The following SEMA3E variants were observed in gnomAD, a reference collection of about 807,000 sequenced individuals.
SEMA3E encodes semaphorin-3E.
SEMA3E carries 49 observed loss-of-function variants against 93.6 expected under a neutral mutation model. The ratio of observed to expected loss-of-function variants is 0.52; its 90% CI spans 0.42 to 0.66. The LOEUF (loss-of-function observed/expected upper bound fraction) is 0.66, where lower values mean the gene tolerates loss of function less well. Ranked by LOEUF, SEMA3E falls within the 30% of genes least tolerant of loss-of-function variation. SEMA3E has a pLI of 0.00. For synonymous variants in SEMA3E, 363 were observed against 330.7 expected (o/e 1.10, Z -1.06); for missense variants, 906 against 964.8 (o/e 0.94, Z 0.81).
intron 1 of SEMA3E, among the ~76,000 whole-genome samples, chr7:83,581,663 C>G (rs1562842139): frequency 6.6e-6 from 1 of 151,954 alleles, no homozygotes; most frequent in Non-Finnish European, 1.5e-5. Flanking sequence ...AAAACGACAT[C>G]ACATAACTTC....
At chr7:83,459,575 T>C (rs971198961) in intron 4 of SEMA3E, among the ~76,000 whole-genome samples, 8 of 152,202 alleles carry the variant, frequency 5.3e-5, no homozygotes, top group Non-Finnish European at 8.8e-5. Flanking sequence ...CTCTGCATTG[T>C]TTCTTTAAAA....
rs750807015 is a variant in SEMA3E, at chr7:83,407,271, A to T, written c.671-32T>A. On this transcript the variant is annotated intron_variant, in intron 6 of 16. Transcript: ENST00000643230. ...GAGCAAAAAATAGGAGAAAAAGTGA[A>T]ATAGATATTACAACTAAATGCTAAC... The T allele has an allele frequency of 1.3e-5, 21 of 1,571,346 alleles. No homozygotes were observed. The South Asian group carries it at 2.2e-4, about 17-fold the overall frequency.
chr7:83,644,394 C>T (rs1380632459), intron 1 of SEMA3E, among the ~76,000 whole-genome samples: 1 of 151,906 alleles, frequency 6.6e-6, no homozygotes, highest in Non-Finnish European at 1.5e-5. Flanking sequence ...TATCCTAGCA[C>T]TTGTTGAAAT....
chr7:83,497,176 A>G (rs1394469054), intron 1 of SEMA3E, among the ~76,000 whole-genome samples: 1 of 152,108 alleles, frequency 6.6e-6, no homozygotes, highest in Non-Finnish European at 1.5e-5. Context: ...CAAGAGACAC[A>G]GTTTTAAAAC....
chr7:83,388,011 A>AAT, intron 14 of SEMA3E, among the ~76,000 whole-genome samples: 1 of 147,540 alleles, frequency 6.8e-6, no homozygotes, highest in South Asian at 2.1e-4. Flanking sequence ...TAATGTTTTG[A>AAT]ATATATATAA....
At chr7:83,621,507 A>G (rs1036058989) in intron 1 of SEMA3E, among the ~76,000 whole-genome samples, 2 of 152,180 alleles carry the variant, frequency 1.3e-5, no homozygotes, top group Non-Finnish European at 2.9e-5. Context: ...TTTAAAAATC[A>G]TATGGAACTA....
chr7:83,490,748 G>A (rs1171228688), intron 1 of SEMA3E, among the ~76,000 whole-genome samples: 2 of 151,988 alleles, frequency 1.3e-5, no homozygotes, highest in Non-Finnish European at 1.5e-5. Context: ...ATACAATGAG[G>A]CATTAATGTG....
At chr7:83,522,381 T>A (rs1791067979) in intron 1 of SEMA3E, among the ~76,000 whole-genome samples, 1 of 152,080 alleles carries the variant, frequency 6.6e-6, no homozygotes, top group Admixed American at 6.6e-5. Context: ...CAGATAGCCA[T>A]TGACCAATAT....
intron 3 of SEMA3E, among the ~76,000 whole-genome samples, chr7:83,468,871 T>A (rs1477149624): frequency 6.6e-6 from 1 of 152,354 alleles, no homozygotes; most frequent in Non-Finnish European, 1.5e-5. Flanking sequence ...ATTTCTAATT[T>A]ACTAAACAAT....
chr7:83,570,551 T>A (rs1584337998), intron 1 of SEMA3E, among the ~76,000 whole-genome samples: 1 of 18,746 alleles, frequency 5.3e-5, no homozygotes, highest in African/African-American at 1.1e-3. Context: ...AGACTCCGTC[T>A]CAAAAAAAAA....
chr7:83,430,031 A>C (rs977547726), intron 4 of SEMA3E, among the ~76,000 whole-genome samples: 2 of 152,228 alleles, frequency 1.3e-5, no homozygotes, highest in African/African-American at 4.8e-5. Context: ...TTTAACAAAC[A>C]CTTAAGAAGC....
intron 1 of SEMA3E, among the ~76,000 whole-genome samples, chr7:83,566,730 C>CATA (rs1438493795): frequency 6.6e-6 from 1 of 152,094 alleles, no homozygotes; most frequent in East Asian, 1.9e-4. Context: ...AGAATGATAT[C>CATA]CACCAACATG....
intron 1 of SEMA3E, among the ~76,000 whole-genome samples, chr7:83,499,652 A>G (rs1790557605): frequency 6.6e-6 from 1 of 152,182 alleles, no homozygotes; most frequent in African/African-American, 2.4e-5. Context: ...AAATTCGTGT[A>G]TCACTTATGT....
intron 4 of SEMA3E, among the ~76,000 whole-genome samples, chr7:83,432,479 G>A (rs1039544324): frequency 5.3e-5 from 8 of 152,030 alleles, no homozygotes; most frequent in African/African-American, 9.7e-5. Flanking sequence ...AGTGTGAAAT[G>A]GTATAACCTG....
chr7:83,372,414 T>G (rs1280193619), intron 16 of SEMA3E: 2 of 395,454 alleles, frequency 5.1e-6, no homozygotes, highest in Non-Finnish European at 8.9e-6. Context: ...TTCCAGCATA[T>G]AGCAAGCAGT....
At chr7:83,481,331 C>A (rs1048997428) in intron 2 of SEMA3E, among the ~76,000 whole-genome samples, 20 of 151,890 alleles carry the variant, frequency 1.3e-4, no homozygotes, top group Non-Finnish European at 1.0e-4. Flanking sequence ...AGCCCAAGGT[C>A]TTTTTGCACT....
intron 1 of SEMA3E, among the ~76,000 whole-genome samples, chr7:83,600,486 ATTTTTTTTTTTTTT>A (rs71522671): frequency 9.5e-5 from 6 of 63,050 alleles, no homozygotes; most frequent in East Asian, 4.5e-4. Context: ...CGCCCAGCTA[ATTTTTTTTTTTTTT>A]TTTTTTTTTT....
chr7:83,442,647 T>C (rs1025365581), intron 4 of SEMA3E, among the ~76,000 whole-genome samples: 2 of 152,176 alleles, frequency 1.3e-5, no homozygotes, highest in Admixed American at 1.3e-4. Context: ...GGTCAGGTTT[T>C]TGTTTGTGGG....
intron 1 of SEMA3E, among the ~76,000 whole-genome samples, chr7:83,569,952 A>G (rs1792239767): frequency 6.6e-6 from 1 of 152,240 alleles, no homozygotes; most frequent in African/African-American, 2.4e-5. Flanking sequence ...ACATATTCTA[A>G]GATCAACCAC....
Sources: gnomAD v4.1 joint callset for allele counts (sites outside exome capture counted in the v4.1 genomes callset) on GRCh38, gnomAD v4.1.1 for gene constraint, MANE v1.5 for transcripts, NCBI Gene and HGNC (gene_info 2026-07-23, HGNC 2026-07-21) for gene names.